The following ALOX12 variants were observed in gnomAD, a reference collection of about 807,000 sequenced individuals.
ALOX12 encodes arachidonate 12-lipoxygenase, 12S type.
ALOX12 carries 62 observed loss-of-function variants against 85.5 expected under a neutral mutation model. The ratio of observed to expected loss-of-function variants is 0.73; its 90% CI spans 0.59 to 0.90. The LOEUF (loss-of-function observed/expected upper bound fraction) is 0.90. Ranked by LOEUF, ALOX12 falls within the 40% of genes least tolerant of loss-of-function variation. The pLI is 0.00. For synonymous variants in ALOX12, 299 were observed against 332.7 expected (o/e 0.90, Z 1.10); for missense variants, 751 against 856.5 (o/e 0.88, Z 1.54).
chr17:7,010,512 C>A lies in ALOX12; in HGVS notation c.*89C>A. ...ATTTCATGCTTTCCTAAAGTCTCTGCTGCTAAGGCTCTATTTCCTCCCCCA... is the reference window on the plus strand; with the variant it reads ...ATTTCATGCTTTCCTAAAGTCTCTGATGCTAAGGCTCTATTTCCTCCCCCA... On this transcript the variant is annotated 3_prime_UTR_variant, in exon 14 of 14. Transcript: ENST00000251535. 6.8e-7 allele frequency: 1 copy of A among 1,462,088 alleles called. No homozygotes were observed. The highest frequency in any genetic ancestry group is 9.2e-7 in the Non-Finnish European group (1 of 1,091,698). The allele number at this position is 1,462,088 out of a possible 1,614,324, so 90.6% of individuals were successfully genotyped here.
Position 7,000,316 on chromosome 17 carries a change from T to A in ALOX12, c.808-20T>A. 6.2e-7 allele frequency: 1 copy of A among 1,613,362 alleles called. No homozygotes were observed. The highest frequency in any genetic ancestry group is 8.5e-7 in the Non-Finnish European group (1 of 1,179,510). ...GTAGACTTTGAACTCTAAAAATGGA[T>A]ACATCCCTCCTGTCCCCAGAATGGT... On this transcript the variant is annotated intron_variant, in intron 6 of 13. Coordinates refer to ENST00000251535, the MANE Select transcript of ALOX12 (RefSeq NM_000697.3). This position sits in a 1 kb window ranked among gnomAD's most constrained non-coding sequence, Gnocchi z 4.6.
At chr17:7,004,305 ATATT>A (rs1404003776) in intron 8 of ALOX12, among the ~76,000 whole-genome samples, 47 of 6,934 alleles carry the variant, frequency 6.8e-3, no homozygotes, top group East Asian at 0.028. Flanking sequence ...TTAAATTTTA[ATATT>A]TTTAATTTTA....
Position 7,010,579 on chromosome 17 carries a change from A to G in ALOX12, c.*156A>G. 2 of 907,800 alleles carry G rather than the reference A, an allele frequency of 2.2e-6. No individual in the cohort carries two copies. The allele number at this position is 907,800 out of a possible 1,614,324, so 56.2% of individuals were successfully genotyped here. On this transcript the variant is annotated 3_prime_UTR_variant, in exon 14 of 14. Transcript: ENST00000251535. ...TAGTATCCCACTAGCCCAGGGGAGC[A>G]GTAAACTTTCTCTGCAAAGACTAGA...
intron 9 of ALOX12, among the ~76,000 whole-genome samples, 197 bp from the exon 10 acceptor site, chr17:7,005,661 A>G (rs1909005471): frequency 6.6e-6 from 1 of 151,536 alleles, no homozygotes; most frequent in Admixed American, 6.6e-5. Flanking sequence ...TTATATTTTT[A>G]GTAGAGATGG....
At chr17:6,996,322 C>A in intron 1 of ALOX12, 70 bp downstream of exon 1, 1 of 1,211,602 alleles carries the variant, frequency 8.3e-7, no homozygotes, top group East Asian at 3.3e-5. Context: ...GAGCTGGGCT[C>A]GCGGCGGGAG....
chr17:7,008,002 C>T (rs981537130), intron 11 of ALOX12, among the ~76,000 whole-genome samples: 19 of 152,318 alleles, frequency 1.2e-4, no homozygotes, highest in African/African-American at 4.1e-4. Flanking sequence ...GACCCCTCTT[C>T]CAGGCTGCCC....
chr17:6,998,643 T>G, intron 3 of ALOX12, 53 bp downstream of exon 3: 9 of 887,618 alleles, frequency 1.0e-5, no homozygotes, highest in South Asian at 1.4e-5. Flanking sequence ...ACCCCTTCCC[T>G]GCCCCTGCCC....
chr17:7,002,618 T>C, intron 8 of ALOX12: 3 of 410,184 alleles, frequency 7.3e-6, no homozygotes, highest in South Asian at 5.2e-5. Flanking sequence ...CAAGTCCCGG[T>C]CTCTAAATAA....
chr17:7,002,116 A>C, intron 8 of ALOX12: 1 of 391,304 alleles, frequency 2.6e-6, no homozygotes, highest in South Asian at 2.5e-5. Context: ...TAGCCAGAAA[A>C]ACAAGTGATG....
intron 5 of ALOX12, 83 bp from the exon 6 acceptor site, chr17:6,999,223 T>C: frequency 6.4e-7 from 1 of 1,573,670 alleles, no homozygotes; most frequent in Non-Finnish European, 8.7e-7. Context: ...GGGAGGGTTA[T>C]ATACCTGAAC....
intron 5 of ALOX12, 89 bp from the exon 6 acceptor site, chr17:6,999,216 AG>A (rs1346587796): frequency 2.6e-6 from 4 of 1,557,866 alleles, no homozygotes; most frequent in Middle Eastern, 1.7e-4. Context: ...GGGTTCAGGG[AG>A]GGTTATATAC....
Position 7,005,880 on chromosome 17 carries a change from G to A in ALOX12, c.1271G>A (p.Gly424Asp), listed in dbSNP as rs1330325102. Residue 424 changes from glycine to aspartate, a missense_variant, in exon 10 of 14, where the codon GGC becomes GAC. Transcript: ENST00000251535. ...CAGGCAGTGAGCACAGGTGGAGGGG[G>A]CCATGTACAGTTGCTCCGTCGGGCG... ...FDKAVSTGGGGHVQLLRRAAA... is the reference protein window; with the variant it reads ...FDKAVSTGGGDHVQLLRRAAA... 4.3e-6 allele frequency: 7 copies of A among 1,612,676 alleles called. No individual in the cohort carries two copies. Among genetic ancestry groups the A allele is most frequent in the Non-Finnish European group, 5.1e-6 (6 of 1,179,882 alleles).
At chr17:7,007,218 C>T (rs1909131693) in intron 11 of ALOX12, among the ~76,000 whole-genome samples, 1 of 152,232 alleles carries the variant, frequency 6.6e-6, no homozygotes, top group South Asian at 2.1e-4. Context: ...CTAACCACCC[C>T]TTGGCCAAAA....
rs761838469 is a variant in ALOX12, at chr17:7,010,438, C to T, written c.*15C>T. 6.2e-7 allele frequency: 1 copy of T among 1,604,724 alleles called. No homozygotes were observed. Among genetic ancestry groups the T allele is most frequent in the South Asian group, 1.1e-5 (1 of 89,900 alleles). On this transcript the variant is annotated 3_prime_UTR_variant, in exon 14 of 14. Transcript: ENST00000251535. ...TCACCATCTGAGCCCTAGAGTGACTCTACCTGCAAGATTTCACATCAGCTT... is the reference window on the plus strand; with the variant it reads ...TCACCATCTGAGCCCTAGAGTGACTTTACCTGCAAGATTTCACATCAGCTT...
intron 3 of ALOX12, 28 bp from the exon 4 acceptor site, chr17:6,998,687 T>G: frequency 7.2e-7 from 1 of 1,398,308 alleles, no homozygotes; most frequent in South Asian, 1.1e-5. Context: ...CATGACATCC[T>G]TCCTGAAGCT....
Position 7,001,588 on chromosome 17 carries a change from T to C in ALOX12, c.952-14T>C. On this transcript the variant is annotated splice_polypyrimidine_tract_variant and intron_variant, in intron 7 of 13. Transcript: ENST00000251535. ...TATACGGAATGGGAGTTCAATAATT[T>C]CTCTTTCTCCCAGATTCAGCCTCCC... 1 of 1,602,966 alleles carries C rather than the reference T, an allele frequency of 6.2e-7. No homozygotes were observed. The highest frequency in any genetic ancestry group is 1.3e-5 in the African/African-American group (1 of 74,850).
intron 2 of ALOX12, 155 bp downstream of exon 2, chr17:6,997,182 G>A (rs1378646169): frequency 1.0e-6 from 1 of 981,370 alleles, no homozygotes. Context: ...CAGAAAACGG[G>A]AAGGAGTTAT....
rs202195274 is a variant in ALOX12 at position 6,996,181 on chromosome 17, G to A, written c.64G>A (p.Val22Met). 8.0e-7 allele frequency: 1 copy of A among 1,253,420 alleles called. No individual in the cohort carries two copies. 77.6% of individuals were successfully genotyped at this position (1,253,420 alleles called of 1,614,324 possible). The change falls in exon 1 of 14, where the codon GTG becomes ATG. Residue 22 changes from valine (V) to methionine (M), a missense_variant. By Grantham distance (21) the Val-to-Met change is conservative (BLOSUM62 1). Transcript: ENST00000251535. Reference protein sequence around the residue: ...AWLFSGSYNRVQLWLVGTRGE... With the variant: ...AWLFSGSYNRMQLWLVGTRGE... Reference sequence around the variant, plus strand: ...GCTCTTCTCCGGGTCGTACAACCGCGTGCAGCTTTGGCTGGTCGGGACGCG... The same window carrying A: ...GCTCTTCTCCGGGTCGTACAACCGCATGCAGCTTTGGCTGGTCGGGACGCG...
At position 7,001,589 on chromosome 17, in the gene ALOX12, C is replaced by G. The variant is rs759913750; in HGVS notation, c.952-13C>G. On this transcript the variant is annotated splice_polypyrimidine_tract_variant and intron_variant, in intron 7 of 13. Transcript: ENST00000251535. ...ATACGGAATGGGAGTTCAATAATTT[C>G]TCTTTCTCCCAGATTCAGCCTCCCA... The G allele has an allele frequency of 2.5e-6, 4 of 1,602,348 alleles. No homozygotes were observed. The highest frequency in any genetic ancestry group is 3.4e-6 in the Non-Finnish European group (4 of 1,169,492).
Sources: allele counts gnomAD v4.1 joint callset (sites outside exome capture counted in the v4.1 genomes callset), GRCh38; gene constraint gnomAD v4.1.1; non-coding constraint Gnocchi (gnomAD v3.1); transcripts MANE v1.5; gene names NCBI Gene and HGNC (gene_info 2026-07-23, HGNC 2026-07-21).